ZNF536: variants seen among roughly 807,000 people sequenced by gnomAD.
The protein encoded by ZNF536 is zinc finger protein 536.
A neutral mutation model predicts 84.5 loss-of-function variants in ZNF536; 13 were observed. That is an observed-to-expected ratio of 0.15 (90% CI 0.10 to 0.24). The LOEUF (loss-of-function observed/expected upper bound fraction) is 0.24, where lower values mean the gene tolerates loss of function less well. ZNF536 is among the 10% of genes least tolerant of loss of function. The pLI, the probability that ZNF536 is intolerant of heterozygous loss-of-function variation, is 1.00. For synonymous variants in ZNF536, 811 were observed against 742.5 expected (o/e 1.09, Z -1.50); for missense variants, 1,536 against 1,747.5 (o/e 0.88, Z 2.16).
intron 1 of ZNF536, among the ~76,000 whole-genome samples, chr19:30,618,400 C>T (rs987927246): frequency 6.6e-6 from 1 of 152,122 alleles, no homozygotes; most frequent in African/African-American, 2.4e-5. Flanking sequence ...GTTAAATAGA[C>T]AGCATAATAT....
At chr19:30,539,429 G>A (rs1041482066) in intron 3 of ZNF536, among the ~76,000 whole-genome samples, 4 of 152,120 alleles carry the variant, frequency 2.6e-5, no homozygotes, top group Non-Finnish European at 5.9e-5. Context: ...CCATTCAAAC[G>A]TTCATCTCAT....
chr19:30,301,178 C>G (rs1397246924), intron 2 of ZNF536, among the ~76,000 whole-genome samples: 3 of 152,198 alleles, frequency 2.0e-5, no homozygotes. Context: ...GGGACTGAGG[C>G]TCCCCTGATC....
intron 3 of ZNF536, among the ~76,000 whole-genome samples, chr19:30,357,945 T>G (rs1459652154): frequency 6.6e-6 from 1 of 152,176 alleles, no homozygotes; most frequent in East Asian, 1.9e-4. Flanking sequence ...TGGCTAAGTC[T>G]GTGCCCAGAA....
intron 2 of ZNF536, among the ~76,000 whole-genome samples, chr19:30,329,277 T>C (rs1216506196): frequency 6.6e-6 from 1 of 152,192 alleles, no homozygotes; most frequent in Admixed American, 6.5e-5. Context: ...TTTTGCTTCG[T>C]AGGAATGCGG....
At position 30,552,539 on chromosome 19, in the gene ZNF536, G is replaced by A. The variant is rs113507526; in HGVS notation, c.3895+3025G>A. ...TCCTCCAACCCTTGCTGTTGATTTG[G>A]AGAAGGTGGCATCTCACCCTATTCT... On this transcript the variant is annotated intron_variant, in intron 4 of 4. Transcript: ENST00000355537. Among the ~76,000 whole-genome samples, 1,217 of 152,296 alleles carry A rather than the reference G, an allele frequency of 8.0e-3. 10 individuals carry two copies. Among genetic ancestry groups the A allele is most frequent in the Middle Eastern group, 0.014 (4 of 294 alleles).
At position 30,549,229 on chromosome 19, in the gene ZNF536, G is replaced by T. The variant is rs753985257; in HGVS notation, c.3610G>T (p.Asp1204Tyr). 2.5e-6 allele frequency: 4 copies of T among 1,613,938 alleles called. No individual in the cohort carries two copies. The East Asian group carries it at 6.7e-5, about 27-fold the overall frequency. The change falls in exon 4 of 5, where the codon GAT becomes TAT. Residue 1204 changes from aspartate to tyrosine, a missense_variant. Asp to Tyr is a radical substitution (Grantham distance 160). This residue lies in a region of ZNF536 where 624 missense variants were observed against 603.1 expected (regional missense o/e 1.03). Transcript: ENST00000355537. ...LSALSKDSSS[D>Y]GGDSLQPTGT... is the part of the protein sequence containing the mutation. The stretch of plus-strand genomic sequence containing the variant: ...TGCCCTCAGCAAAGACAGCAGCAGC[G>T]ATGGCGGGGACAGCCTGCAGCCCAC...
chr19:30,335,104 T>TG (rs1254309185), intron 2 of ZNF536, among the ~76,000 whole-genome samples: 1 of 152,098 alleles, frequency 6.6e-6, no homozygotes, highest in Non-Finnish European at 1.5e-5. Context: ...GGAACAGGGA[T>TG]GGGGACACAG....
intron 1 of ZNF536, among the ~76,000 whole-genome samples, chr19:30,603,170 G>A (rs12150934): frequency 0.49 from 74,409 of 152,028 alleles, 18,850 homozygotes; most frequent in South Asian, 0.58. Context: ...CTAGACTGGA[G>A]GCCTCAGGAG....
intron 2 of ZNF536, among the ~76,000 whole-genome samples, chr19:30,508,165 T>C (rs1452370505): frequency 6.6e-6 from 1 of 152,146 alleles, no homozygotes; most frequent in Non-Finnish European, 1.5e-5. Flanking sequence ...CACCAACCAC[T>C]AGAGCCTTTT....
chr19:30,369,229 C>G (rs1334389843), upstream of ZNF536, among the ~76,000 whole-genome samples: 1 of 152,158 alleles, frequency 6.6e-6, no homozygotes, highest in East Asian at 1.9e-4. Context: ...GCTTCAAGAG[C>G]ACAAGGTTAA....
chr19:30,552,745 G>C (rs1448032534), intron 4 of ZNF536, among the ~76,000 whole-genome samples: 4 of 152,206 alleles, frequency 2.6e-5, no homozygotes, highest in Non-Finnish European at 5.9e-5. Flanking sequence ...CAGAAGGAGA[G>C]CCACCGAGGG....
At chr19:30,661,012 C>T (rs976652910) in intron 1 of ZNF536, among the ~76,000 whole-genome samples, 8 of 152,200 alleles carry the variant, frequency 5.3e-5, no homozygotes, top group African/African-American at 1.2e-4. Context: ...CCCAGTGTTC[C>T]GAAGAGTAAC....
chr19:30,333,010 G>T (rs1026705005), intron 2 of ZNF536, among the ~76,000 whole-genome samples: 2 of 152,084 alleles, frequency 1.3e-5, no homozygotes, highest in Admixed American at 6.5e-5. Context: ...TGAGCCCAGG[G>T]GGTCGAGGCT....
intron 1 of ZNF536, among the ~76,000 whole-genome samples, chr19:30,374,584 C>T (rs897230012): frequency 1.3e-5 from 2 of 152,260 alleles, no homozygotes; most frequent in Non-Finnish European, 2.9e-5. Flanking sequence ...GGCACCGCCT[C>T]GGTGCCCACC....
chr19:30,636,862 C>G (rs955910564), intron 1 of ZNF536, among the ~76,000 whole-genome samples: 1 of 152,140 alleles, frequency 6.6e-6, no homozygotes, highest in Non-Finnish European at 1.5e-5. Context: ...GTTTTCCTTT[C>G]TCCTGTGCGT....
chr19:30,606,229 T>TATAA (rs2047871845), intron 1 of ZNF536, among the ~76,000 whole-genome samples: 9 of 94,152 alleles, frequency 9.6e-5, no homozygotes, highest in South Asian at 3.3e-4. Context: ...TAAAATAAAA[T>TATAA]AATAAAATAA....
At chr19:30,610,436 C>T (rs2048065517) in intron 1 of ZNF536, among the ~76,000 whole-genome samples, 1 of 152,136 alleles carries the variant, frequency 6.6e-6, no homozygotes, top group Non-Finnish European at 1.5e-5. Context: ...GTGGGGGTCT[C>T]CCCCTCTGGG....
At chr19:30,593,960 T>A (rs767953212) in intron 1 of ZNF536, among the ~76,000 whole-genome samples, 84 of 152,226 alleles carry the variant, frequency 5.5e-4, no homozygotes, top group Non-Finnish European at 1.0e-3. Flanking sequence ...TCATTGATTG[T>A]CCTTGGAGAC....
intron 1 of ZNF536, among the ~76,000 whole-genome samples, chr19:30,572,780 T>C (rs2046597161): frequency 6.6e-6 from 1 of 151,998 alleles, no homozygotes; most frequent in African/African-American, 2.4e-5. Context: ...CATGAGAAGG[T>C]CAGGATTCTA....
Sources: gnomAD v4.1 joint callset for allele counts (sites outside exome capture counted in the v4.1 genomes callset) on GRCh38, gnomAD v4.1.1 for gene constraint, gnomAD v4.1.1 regional missense constraint, MANE v1.5 for transcripts, NCBI Gene and HGNC (gene_info 2026-07-23, HGNC 2026-07-21) for gene names.